The following CHD9NB variants were observed in gnomAD, a reference collection of about 807,000 sequenced individuals.
The protein encoded by CHD9NB is CHD9 neighbor protein.
the CHD9NB span, among the ~76,000 whole-genome samples, chr16:53,042,203 G>A: frequency 6.8e-3 from 1,024 of 150,300 alleles, 5 homozygotes; most frequent in Non-Finnish European, 9.7e-3. Flanking sequence ...CAACTTCCTC[G>A]ATTTCTTCCT....
At chr16:53,046,933 G>C in the CHD9NB span, among the ~76,000 whole-genome samples, 3 of 152,146 alleles carry the variant, frequency 2.0e-5, no homozygotes, top group Non-Finnish European at 2.9e-5. Context: ...CCTCGGATGA[G>C]GACTGTGATT....
the CHD9NB span, among the ~76,000 whole-genome samples, chr16:53,046,325 T>C: frequency 6.6e-6 from 1 of 152,008 alleles, no homozygotes; most frequent in Non-Finnish European, 1.5e-5. Flanking sequence ...TGGACCAGTT[T>C]AGAGGCAAGG....
At chr16:53,045,338 T>C in the CHD9NB span, among the ~76,000 whole-genome samples, 12 of 152,210 alleles carry the variant, frequency 7.9e-5, no homozygotes, top group Non-Finnish European at 1.6e-4. Context: ...TTATCCACTT[T>C]GTAGGCTGTT....
At chr16:53,043,299 C>T in the CHD9NB span, 1 of 152,168 alleles carries the variant, frequency 6.6e-6, no homozygotes, top group African/African-American at 2.4e-5. Flanking sequence ...TGAATGTTAG[C>T]AGAGGGACCT....
chr16:53,039,227 T>C, the CHD9NB span, among the ~76,000 whole-genome samples: 1 of 152,180 alleles, frequency 6.6e-6, no homozygotes, highest in Admixed American at 6.5e-5. Context: ...TTTATTGGCT[T>C]GTGAATCTTC....
At chr16:53,042,055 T>G in the CHD9NB span, among the ~76,000 whole-genome samples, 1 of 152,160 alleles carries the variant, frequency 6.6e-6, no homozygotes, top group Non-Finnish European at 1.5e-5. Flanking sequence ...CCTTATTTTT[T>G]CCTCACCGCA....
chr16:53,051,978 A>C, the CHD9NB span, among the ~76,000 whole-genome samples: 1 of 151,412 alleles, frequency 6.6e-6, no homozygotes, highest in Non-Finnish European at 1.5e-5. Context: ...AGGGCAAGTT[A>C]CTTAAACATC....
the CHD9NB span, among the ~76,000 whole-genome samples, chr16:53,048,441 T>TA: frequency 6.6e-6 from 1 of 151,954 alleles, no homozygotes; most frequent in Non-Finnish European, 1.5e-5. Context: ...GAAAATAAAA[T>TA]AAAAATTTTT....
the CHD9NB span, among the ~76,000 whole-genome samples, chr16:53,040,331 C>T: frequency 6.6e-6 from 1 of 152,124 alleles, no homozygotes; most frequent in Non-Finnish European, 1.5e-5. Flanking sequence ...ACCGTGGCCT[C>T]CCAAAGTGCT....
the CHD9NB span, among the ~76,000 whole-genome samples, chr16:53,039,550 GC>G: frequency 1.3e-5 from 2 of 152,190 alleles, no homozygotes; most frequent in African/African-American, 4.8e-5. Context: ...TTCAAGAGCA[GC>G]CTGGGCAACA....
chr16:53,047,324 T>C, the CHD9NB span: 2 of 152,140 alleles, frequency 1.3e-5, no homozygotes, highest in African/African-American at 4.8e-5. Context: ...AATTATACAT[T>C]TACCATAGGG....
At chr16:53,042,293 T>C in the CHD9NB span, among the ~76,000 whole-genome samples, 1 of 135,498 alleles carries the variant, frequency 7.4e-6, no homozygotes. Context: ...CTCCTTTCTC[T>C]CCCTTCCTCC....
chr16:53,039,031 T>C, the CHD9NB span, among the ~76,000 whole-genome samples: 11 of 152,150 alleles, frequency 7.2e-5, no homozygotes, highest in African/African-American at 1.9e-4. Context: ...GCTTTTTTTT[T>C]CCTAGGTTGC....
the CHD9NB span, among the ~76,000 whole-genome samples, chr16:53,041,889 C>G: frequency 4.6e-5 from 7 of 152,198 alleles, no homozygotes; most frequent in Admixed American, 2.6e-4. Flanking sequence ...AGGCCTGTTT[C>G]CTGGCCTGCA....
the CHD9NB span, among the ~76,000 whole-genome samples, chr16:53,040,909 G>A: frequency 6.6e-6 from 1 of 152,276 alleles, no homozygotes; most frequent in South Asian, 2.1e-4. Flanking sequence ...CAGATAGGTG[G>A]ATGGATGGAG....
At chr16:53,041,709 C>T in the CHD9NB span, among the ~76,000 whole-genome samples, 2 of 152,128 alleles carry the variant, frequency 1.3e-5, no homozygotes, top group Admixed American at 6.5e-5. Flanking sequence ...AAGCAGCTCT[C>T]ACCATGCACA....
At chr16:53,049,890 G>A in the CHD9NB span, among the ~76,000 whole-genome samples, 2 of 152,146 alleles carry the variant, frequency 1.3e-5, no homozygotes, top group Non-Finnish European at 2.9e-5. Context: ...TTCCTAATCT[G>A]TAAGATGTAA....
At chr16:53,041,691 G>A in the CHD9NB span, among the ~76,000 whole-genome samples, 2 of 152,048 alleles carry the variant, frequency 1.3e-5, no homozygotes, top group Non-Finnish European at 1.5e-5. Flanking sequence ...CCTGAGTGTG[G>A]ACATTGCAAG....
the CHD9NB span, among the ~76,000 whole-genome samples, chr16:53,041,954 C>T: frequency 6.6e-6 from 1 of 152,188 alleles, no homozygotes. Flanking sequence ...GACAGGGCCC[C>T]CATCCCTCCT....
Sources: allele counts gnomAD v4.1 joint callset (sites outside exome capture counted in the v4.1 genomes callset), GRCh38; gene constraint gnomAD v4.1.1; transcripts MANE v1.5; gene names NCBI Gene and HGNC (gene_info 2026-07-23, HGNC 2026-07-21).